The following PLCXD3 variants were observed in gnomAD, a reference collection of about 807,000 sequenced individuals.
The protein encoded by PLCXD3 is PI-PLC X domain-containing protein 3.
PLCXD3 carries 19 observed loss-of-function variants against 25.5 expected under a neutral mutation model. The ratio of observed to expected loss-of-function variants is 0.75; its 90% CI spans 0.52 to 1.09. PLCXD3 has a LOEUF of 1.09. Ranked by LOEUF, PLCXD3 falls within the 50% of genes least tolerant of loss-of-function variation. The probability of loss-of-function intolerance (pLI) is 0.00; values close to 1 mark genes in which losing one functional copy is unlikely to be tolerated. For synonymous variants in PLCXD3, 174 were observed against 137.6 expected, an observed-to-expected ratio of 1.26 and a Z score of -1.85; for missense variants, 411 against 388.1, an observed-to-expected ratio of 1.06 and a Z score of -0.50.
At chr5:41,488,891 C>G (rs1748583026) in intron 1 of PLCXD3, among the ~76,000 whole-genome samples, 1 of 151,164 alleles carries the variant, frequency 6.6e-6, no homozygotes, top group South Asian at 2.1e-4. Context: ...CCTGTTCACT[C>G]TGATGGTAGT....
chr5:41,476,073 A>G (rs1002151108), intron 1 of PLCXD3, among the ~76,000 whole-genome samples: 2 of 152,194 alleles, frequency 1.3e-5, no homozygotes, highest in African/African-American at 4.8e-5. Flanking sequence ...ACATAACCCC[A>G]TCATAAATCC....
rs144898661 is a variant in PLCXD3, at chr5:41,480,906, T to G, written c.103+29518A>C. On this transcript the variant is annotated intron_variant, in intron 1 of 2. Transcript: ENST00000377801. ...GCCTGCATGACAGAGCAAGACTCCA[T>G]CTCAAAATAAATAAATAAACAAACA... 6.6e-4 allele frequency among the ~76,000 whole-genome samples: 101 copies of G among 151,946 alleles called. No individual in the cohort carries two copies. In the East Asian group the frequency reaches 0.016, roughly 24 times the overall value.
intron 1 of PLCXD3, among the ~76,000 whole-genome samples, chr5:41,441,993 T>G (rs552851271): frequency 6.6e-6 from 1 of 152,220 alleles, no homozygotes; most frequent in Admixed American, 6.5e-5. Context: ...AAGCAAAATT[T>G]AGATTTTCAG....
chr5:41,437,835 G>A (rs1236355661), intron 1 of PLCXD3, among the ~76,000 whole-genome samples: 2 of 152,098 alleles, frequency 1.3e-5, no homozygotes, highest in African/African-American at 4.8e-5. Context: ...GGAAGAAATT[G>A]GATTATAAGG....
At chr5:41,440,213 CAATT>C (rs1747349675) in intron 1 of PLCXD3, among the ~76,000 whole-genome samples, 1 of 80,048 alleles carries the variant, frequency 1.2e-5, no homozygotes, top group African/African-American at 5.0e-5. Flanking sequence ...CATAATCTCT[CAATT>C]TTTTTTTTTT....
At chr5:41,429,775 C>G (rs1747048761) in intron 1 of PLCXD3, among the ~76,000 whole-genome samples, 1 of 152,088 alleles carries the variant, frequency 6.6e-6, no homozygotes, top group Non-Finnish European at 1.5e-5. Context: ...AGATCTGAGA[C>G]AGTTTTATAA....
Position 41,352,787 on chromosome 5 carries a change from AT to A in PLCXD3, c.812+29038del, listed in dbSNP as rs928594084. On this transcript the variant is annotated intron_variant, in intron 2 of 2. Coordinates refer to ENST00000377801, the MANE Select transcript of PLCXD3 (RefSeq NM_001005473.3). ...AAATCATTCTCTTTGTAGCTGAGTA[AT>A]TTTTTTTTAAGTTTGAGGTAATTTT... 5.9e-4 allele frequency among the ~76,000 whole-genome samples: 90 copies of A among 151,762 alleles called. No individual in the cohort carries two copies. The Middle Eastern group carries it at 0.01, about 17-fold the overall frequency.
At chr5:41,456,624 A>G (rs1747759676) in intron 1 of PLCXD3, 1 of 664,492 alleles carries the variant, frequency 1.5e-6, no homozygotes, top group Non-Finnish European at 1.9e-6. Context: ...TCTGTTCCCT[A>G]ATGTGAGGGT....
At chr5:41,344,139 A>C (rs1312676114) in intron 2 of PLCXD3, among the ~76,000 whole-genome samples, 1 of 152,166 alleles carries the variant, frequency 6.6e-6, no homozygotes, top group East Asian at 1.9e-4. Context: ...TAAAACATGA[A>C]TAATACATTG....
rs1743027454 is a variant in PLCXD3, at chr5:41,307,291, C to T, written c.*6326G>A. 1 of 152,540 alleles carries T rather than the reference C, an allele frequency of 6.6e-6. No homozygotes were observed. 9.4% of individuals were successfully genotyped at this position (152,540 alleles called of 1,614,324 possible). A position where few individuals can be genotyped will look rare whatever the true frequency, so the allele number is the denominator to read the frequency against. ...ATTAAAGGATTTGGATTTTCCTCTG[C>T]CACTTATAGGAATTTCAGGAGAGGA... On this transcript the variant is annotated 3_prime_UTR_variant, in exon 3 of 3. Coordinates refer to ENST00000377801, the MANE Select transcript of PLCXD3 (RefSeq NM_001005473.3).
intron 1 of PLCXD3, among the ~76,000 whole-genome samples, chr5:41,408,142 T>A (rs1336596629): frequency 6.6e-6 from 1 of 152,206 alleles, no homozygotes; most frequent in Non-Finnish European, 1.5e-5. Flanking sequence ...CCCATTGCCA[T>A]CCATGGTGAA....
At chr5:41,450,606 A>C (rs1401643428) in intron 1 of PLCXD3, among the ~76,000 whole-genome samples, 2 of 152,090 alleles carry the variant, frequency 1.3e-5, no homozygotes, top group Non-Finnish European at 2.9e-5. Flanking sequence ...GTAAAGAAAG[A>C]GGCAAGCTTA....
chr5:41,378,479 A>G (rs1320146363), intron 2 of PLCXD3, among the ~76,000 whole-genome samples: 4 of 152,072 alleles, frequency 2.6e-5, no homozygotes, highest in Non-Finnish European at 4.4e-5. Flanking sequence ...CTTCATTCCT[A>G]CTTTTAAAAT....
intron 1 of PLCXD3, among the ~76,000 whole-genome samples, chr5:41,427,721 C>A (rs1188290892): frequency 6.6e-6 from 1 of 152,082 alleles, no homozygotes. Flanking sequence ...CTGCCAGACT[C>A]TGGGTGGTTG....
At chr5:41,398,214 G>C (rs1267066986) in intron 1 of PLCXD3, among the ~76,000 whole-genome samples, 1 of 152,172 alleles carries the variant, frequency 6.6e-6, no homozygotes, top group East Asian at 1.9e-4. Context: ...CCCAGTGATG[G>C]GGAAGAGACC....
chr5:41,391,792 G>A (rs892765613), intron 1 of PLCXD3, among the ~76,000 whole-genome samples: 8 of 152,150 alleles, frequency 5.3e-5, no homozygotes, highest in Admixed American at 1.3e-4. Flanking sequence ...AGCATTTATG[G>A]ACATGCCCTG....
At chr5:41,464,418 C>A (rs1027210736) in intron 1 of PLCXD3, among the ~76,000 whole-genome samples, 1 of 151,922 alleles carries the variant, frequency 6.6e-6, no homozygotes, top group African/African-American at 2.4e-5. Context: ...AATGCATATG[C>A]TGAAAATAGA....
rs145837565 is a variant in PLCXD3, at chr5:41,376,000, C to A, written c.812+5826G>T. Among the ~76,000 whole-genome samples, 1,253 of 152,182 alleles carry A rather than the reference C, an allele frequency of 8.2e-3. 42 individuals carry two copies. The highest frequency in any genetic ancestry group is 0.059 in the Admixed American group (902 of 15,270). On this transcript the variant is annotated intron_variant, in intron 2 of 2. Transcript: ENST00000377801. ...GTAAGGATGCAAGGCCTTAAATGGA[C>A]ACAAATCATGTAGCGCTCTTAGCAC... is the stretch of plus-strand genomic sequence containing the variant.
chr5:41,460,549 A>G (rs1477851571), intron 1 of PLCXD3, among the ~76,000 whole-genome samples: 1 of 151,976 alleles, frequency 6.6e-6, no homozygotes, highest in Non-Finnish European at 1.5e-5. Flanking sequence ...GAAAGACACC[A>G]AGCAGTTTAT....
Sources: gnomAD v4.1 joint callset for allele counts (sites outside exome capture counted in the v4.1 genomes callset) on GRCh38, gnomAD v4.1.1 for gene constraint, MANE v1.5 for transcripts, NCBI Gene and HGNC (gene_info 2026-07-23, HGNC 2026-07-21) for gene names.